ACSS3: variants seen among roughly 807,000 people sequenced by gnomAD.
ACSS3 encodes acyl-CoA synthetase short-chain family member 3, mitochondrial.
In ACSS3, 64 loss-of-function variants were observed where a neutral mutation model predicts 84.2. The observed-to-expected ratio is 0.76, with a 90% confidence interval of 0.62 to 0.94. The LOEUF is 0.94. Ranked by LOEUF, ACSS3 falls within the 40% of genes least tolerant of loss-of-function variation. ACSS3 has a pLI of 0.00. For missense variants in ACSS3, 815 were observed against 867.6 expected (o/e 0.94, Z 0.76); for synonymous variants, 317 against 310.1 (o/e 1.02, Z -0.23).
intron 7 of ACSS3, among the ~76,000 whole-genome samples, chr12:81,159,835 C>T (rs1046289236): frequency 7.9e-5 from 12 of 152,224 alleles, no homozygotes; most frequent in African/African-American, 2.7e-4. Flanking sequence ...TGCTCCCTTG[C>T]CTCTCTCTTC....
chr12:81,120,503 G>C (rs1884490034), intron 2 of ACSS3, among the ~76,000 whole-genome samples: 1 of 152,252 alleles, frequency 6.6e-6, no homozygotes, highest in East Asian at 1.9e-4. Context: ...ATAACAAGTA[G>C]AGGATAAAGC....
At chr12:81,165,818 A>C (rs1887375780) in intron 7 of ACSS3, among the ~76,000 whole-genome samples, 1 of 152,212 alleles carries the variant, frequency 6.6e-6, no homozygotes, top group Non-Finnish European at 1.5e-5. Context: ...AAAAATCTGC[A>C]CTAGGTTTTT....
chr12:81,229,641 C>G (rs2033388366), intron 11 of ACSS3, among the ~76,000 whole-genome samples: 2 of 151,830 alleles, frequency 1.3e-5, no homozygotes, highest in African/African-American at 4.8e-5. Context: ...ATTTAGCAAA[C>G]AGTAATAATC....
At position 81,078,097 on chromosome 12, in the gene ACSS3, G is replaced by A; in HGVS notation, c.-24G>A. 6.9e-7 allele frequency: 1 copy of A among 1,458,924 alleles called. No homozygotes were observed. Among genetic ancestry groups the A allele is most frequent in the East Asian group, 2.5e-5 (1 of 40,142 alleles). 90.4% of individuals were successfully genotyped at this position (1,458,924 alleles called of 1,614,324 possible). On this transcript the variant is annotated 5_prime_UTR_variant, in exon 1 of 16. Transcript: ENST00000548058. ...CAAGAGTACCATTTGTCGCACACTC[G>A]GGGACCGCGGGTGGCCGGAGGAGAT... is the stretch of plus-strand genomic sequence containing the variant.
intron 7 of ACSS3, among the ~76,000 whole-genome samples, chr12:81,170,022 A>C (rs2135806819): frequency 6.6e-6 from 1 of 152,300 alleles, no homozygotes; most frequent in Admixed American, 6.5e-5. Context: ...GCAAAACTGC[A>C]GTTGACTCAA....
intron 2 of ACSS3, chr12:81,124,561 T>A (rs1026768967): frequency 2.0e-5 from 3 of 152,162 alleles, no homozygotes; most frequent in African/African-American, 7.2e-5. Flanking sequence ...TAATATAAAT[T>A]TATGGTATCC....
intron 8 of ACSS3, among the ~76,000 whole-genome samples, chr12:81,177,525 C>T (rs954781205): frequency 6.6e-6 from 1 of 152,098 alleles, no homozygotes; most frequent in African/African-American, 2.4e-5. Context: ...AGTGAACAGG[C>T]AACCCACAAA....
intron 2 of ACSS3, among the ~76,000 whole-genome samples, chr12:81,117,121 T>C (rs935350750): frequency 1.3e-5 from 2 of 152,194 alleles, no homozygotes; most frequent in Admixed American, 1.3e-4. Flanking sequence ...CCTGGTCTTT[T>C]AGAAAGTTAT....
At chr12:81,164,375 A>T (rs1229239247) in intron 7 of ACSS3, among the ~76,000 whole-genome samples, 2 of 152,170 alleles carry the variant, frequency 1.3e-5, no homozygotes, top group Non-Finnish European at 2.9e-5. Flanking sequence ...TCACAATGCT[A>T]AAATCACCTA....
At chr12:81,194,186 T>C (rs752094804) in intron 8 of ACSS3, among the ~76,000 whole-genome samples, 2 of 151,768 alleles carry the variant, frequency 1.3e-5, no homozygotes, top group African/African-American at 2.4e-5. Context: ...ATTATTATCA[T>C]GTTTAAAAAA....
intron 1 of ACSS3, among the ~76,000 whole-genome samples, chr12:81,101,384 G>A (rs1337741451): frequency 5.3e-5 from 8 of 151,954 alleles, no homozygotes; most frequent in Admixed American, 4.6e-4. Flanking sequence ...TAACACAGAA[G>A]TTTTATTACA....
chr12:81,198,290 G>C (rs1477343129), intron 8 of ACSS3, among the ~76,000 whole-genome samples: 3 of 152,064 alleles, frequency 2.0e-5, no homozygotes, highest in Non-Finnish European at 4.4e-5. Context: ...AGCTCATAGT[G>C]CAGTGTGGGA....
chr12:81,260,721 C>T lies in ACSS3; in HGVS notation c.*5799C>T, dbSNP rs1238089581. ...AAAAGACCAACAATAAATTGTGTGG[C>T]ACTTTTAGTTCAAGGCAATGAAAAC... On this transcript the variant is annotated 3_prime_UTR_variant, in exon 16 of 16. Transcript: ENST00000548058. 2.0e-5 allele frequency: 3 copies of T among 152,314 alleles called. No homozygotes were observed. The highest frequency in any genetic ancestry group is 1.9e-4 in the East Asian group (1 of 5,178). The allele number at this position is 152,314 out of a possible 1,614,324, so 9.4% of individuals were successfully genotyped here.
intron 8 of ACSS3, among the ~76,000 whole-genome samples, chr12:81,188,013 T>C (rs148090557): frequency 0.011 from 1,727 of 152,064 alleles, 17 homozygotes; most frequent in African/African-American, 0.02. Flanking sequence ...AATTTGAGAA[T>C]AGGATACCTC....
intron 2 of ACSS3, among the ~76,000 whole-genome samples, chr12:81,111,868 A>G (rs1034659135): frequency 2.6e-5 from 4 of 152,170 alleles, no homozygotes; most frequent in African/African-American, 9.7e-5. Flanking sequence ...AAACAAGGGG[A>G]ATTTCAGTCT....
intron 4 of ACSS3, among the ~76,000 whole-genome samples, chr12:81,141,547 T>C (rs1456801410): frequency 6.6e-6 from 1 of 152,194 alleles, no homozygotes; most frequent in Non-Finnish European, 1.5e-5. Flanking sequence ...TGCATATATG[T>C]GAAAGTGTTT....
chr12:81,112,448 T>G (rs1303812880), intron 2 of ACSS3, among the ~76,000 whole-genome samples: 1 of 152,234 alleles, frequency 6.6e-6, no homozygotes, highest in Non-Finnish European at 1.5e-5. Context: ...ATTATACACA[T>G]ATGTTTTGCT....
chr12:81,154,144 C>A (rs1366889482), intron 7 of ACSS3, among the ~76,000 whole-genome samples: 1 of 152,102 alleles, frequency 6.6e-6, no homozygotes, highest in African/African-American at 2.4e-5. Flanking sequence ...AAAATTATTT[C>A]TCTTGAAGTA....
chr12:81,122,552 A>G (rs1474366558), intron 2 of ACSS3, among the ~76,000 whole-genome samples: 1 of 152,194 alleles, frequency 6.6e-6, no homozygotes, highest in East Asian at 1.9e-4. Context: ...CTATCATACT[A>G]TCATATTATG....
Sources: gnomAD v4.1 joint callset for allele counts (sites outside exome capture counted in the v4.1 genomes callset) on GRCh38, gnomAD v4.1.1 for gene constraint, MANE v1.5 for transcripts, NCBI Gene and HGNC (gene_info 2026-07-23, HGNC 2026-07-21) for gene names.